GPHN: variants seen among roughly 807,000 people sequenced by gnomAD.
GPHN encodes gephyrin.
A neutral mutation model predicts 95.5 loss-of-function variants in GPHN; 17 were observed. The ratio of observed to expected loss-of-function variants is 0.18; its 90% confidence interval spans 0.12 to 0.27. The LOEUF (loss-of-function observed/expected upper bound fraction) is 0.27. Among genes scored for constraint, GPHN ranks in the 10% least tolerant of loss-of-function variants. The pLI is 1.00. For synonymous variants in GPHN, 320 were observed against 322.5 expected (o/e 0.99, Z 0.08); for missense variants, 660 against 978.1 (o/e 0.67, Z 4.34).
intron 1 of GPHN, among the ~76,000 whole-genome samples, chr14:66,610,523 G>C (rs2062735638): frequency 6.6e-6 from 1 of 151,948 alleles, no homozygotes; most frequent in African/African-American, 2.4e-5. Context: ...GCACTTCCTG[G>C]CTGTGTCTAG....
chr14:67,442,919 T>C, the GPHN span, among the ~76,000 whole-genome samples: 1 of 152,176 alleles, frequency 6.6e-6, no homozygotes, highest in Non-Finnish European at 1.5e-5. Context: ...GCCAACGACG[T>C]TATATTAAAT....
intron 11 of GPHN, among the ~76,000 whole-genome samples, chr14:67,075,636 A>C (rs997078234): frequency 2.6e-5 from 4 of 152,224 alleles, no homozygotes; most frequent in African/African-American, 9.6e-5. Context: ...GGAGGAGGTC[A>C]AATATCAACA....
intron 18 of GPHN, among the ~76,000 whole-genome samples, chr14:67,149,963 C>G (rs190642161): frequency 1.1e-3 from 172 of 152,112 alleles, no homozygotes; most frequent in Non-Finnish European, 1.7e-3. Context: ...TAACTATATT[C>G]TTTTTAAAAA....
chr14:66,970,172 A>G (rs2069657491), intron 9 of GPHN, among the ~76,000 whole-genome samples: 1 of 151,924 alleles, frequency 6.6e-6, no homozygotes, highest in South Asian at 2.1e-4. Flanking sequence ...AGTTTATACA[A>G]CAATTAAAAT....
the GPHN span, chr14:67,392,296 A>G: frequency 7.2e-7 from 1 of 1,385,522 alleles, no homozygotes; most frequent in East Asian, 2.3e-5. Context: ...AGAACTGTCC[A>G]TCTCTCTTCC....
the GPHN span, among the ~76,000 whole-genome samples, chr14:67,202,176 C>T: frequency 1.3e-5 from 2 of 152,222 alleles, no homozygotes; most frequent in Admixed American, 6.5e-5. Context: ...CACAGCGGCT[C>T]ACGCCTGTAA....
chr14:66,815,788 G>A (rs2060939960), intron 3 of GPHN, among the ~76,000 whole-genome samples: 1 of 152,060 alleles, frequency 6.6e-6, no homozygotes, highest in South Asian at 2.1e-4. Context: ...ATGATGACAG[G>A]ATCAAATCCA....
intron 2 of GPHN, among the ~76,000 whole-genome samples, chr14:66,692,983 A>G (rs1422335851): frequency 1.3e-5 from 2 of 152,064 alleles, no homozygotes; most frequent in African/African-American, 4.8e-5. Flanking sequence ...TTATGTGGGT[A>G]ACATCTATTG....
chr14:67,189,654 G>A, the GPHN span: 1 of 151,992 alleles, frequency 6.6e-6, no homozygotes, highest in South Asian at 2.1e-4. Flanking sequence ...GGTAATTCGA[G>A]GGCAGAATGT....
chr14:66,926,258 T>G (rs1278641428), intron 8 of GPHN, among the ~76,000 whole-genome samples: 1 of 152,220 alleles, frequency 6.6e-6, no homozygotes. Context: ...TGATCCCATT[T>G]GTTTACTTTT....
chr14:67,580,037 C>A, the GPHN span: 1 of 652,306 alleles, frequency 1.5e-6, no homozygotes, highest in Non-Finnish European at 2.6e-6. Context: ...CTAAAATGTA[C>A]CTGGGCAGGG....
At chr14:66,699,297 A>G (rs2068340791) in intron 2 of GPHN, among the ~76,000 whole-genome samples, 1 of 152,110 alleles carries the variant, frequency 6.6e-6, no homozygotes, top group South Asian at 2.1e-4. Context: ...ACATGTATAC[A>G]TATGTAACAA....
chr14:67,733,973 A>T, the GPHN span: 2 of 694,670 alleles, frequency 2.9e-6, no homozygotes, highest in Non-Finnish European at 5.2e-6. Context: ...GCCTGCTCTG[A>T]TCCTCTTGAC....
chr14:67,484,895 T>C, the GPHN span, among the ~76,000 whole-genome samples: 4 of 152,250 alleles, frequency 2.6e-5, no homozygotes, highest in African/African-American at 9.6e-5. Context: ...CATTTTTACT[T>C]GTCATAACTG....
chr14:67,579,123 C>CTTCT, the GPHN span: 1,270,627 of 1,588,830 alleles, frequency 0.8, 510,725 homozygotes, highest in Admixed American at 0.85. Context: ...TCCCCTCTTC[C>CTTCT]GTCTTTTTAG....
intron 2 of GPHN, among the ~76,000 whole-genome samples, chr14:66,734,416 A>G (rs1281636214): frequency 6.6e-6 from 1 of 152,122 alleles, no homozygotes; most frequent in Non-Finnish European, 1.5e-5. Flanking sequence ...GCTGTCCTGT[A>G]CCTAGAATGT....
the GPHN span, among the ~76,000 whole-genome samples, chr14:67,211,510 A>G: frequency 6.6e-6 from 1 of 152,252 alleles, no homozygotes; most frequent in Non-Finnish European, 1.5e-5. Context: ...GAATGTTAAT[A>G]GGTGACAATG....
At chr14:66,572,653 T>G (rs1369043986) in intron 1 of GPHN, among the ~76,000 whole-genome samples, 2 of 148,572 alleles carry the variant, frequency 1.3e-5, no homozygotes, top group African/African-American at 5.2e-5. Context: ...AGTTTTAACT[T>G]TTTTTTTTGT....
chr14:67,690,155 G>A, the GPHN span: 1 of 1,494,254 alleles, frequency 6.7e-7, no homozygotes, highest in South Asian at 1.1e-5. Context: ...CCATTCCTGT[G>A]GCTTTTACCT....
Sources: allele counts gnomAD v4.1 joint callset (sites outside exome capture counted in the v4.1 genomes callset), GRCh38; gene constraint gnomAD v4.1.1; transcripts MANE v1.5; gene names NCBI Gene and HGNC (gene_info 2026-07-23, HGNC 2026-07-21).